CACNA2D1: variants seen among roughly 807,000 people sequenced by gnomAD.
CACNA2D1 encodes calcium voltage-gated channel auxiliary subunit alpha2delta 1, also known as voltage-dependent calcium channel subunit alpha-2/delta-1.
Under a neutral mutation model 171.5 loss-of-function variants are expected in CACNA2D1, and 53 were observed. The observed-to-expected ratio is 0.31, with a 90% CI of 0.25 to 0.39. The LOEUF (loss-of-function observed/expected upper bound fraction) is 0.39. CACNA2D1 is among the 10% of genes least tolerant of loss of function. CACNA2D1 has a pLI of 1.00. For missense variants in CACNA2D1, 903 were observed against 1,299.8 expected, an observed-to-expected ratio of 0.69 and a Z score of 4.69; for synonymous variants, 442 against 443.1, an observed-to-expected ratio of 1.00 and a Z score of 0.03.
chr7:82,289,774 C>T (rs893573632), intron 3 of CACNA2D1, among the ~76,000 whole-genome samples: 2 of 152,210 alleles, frequency 1.3e-5, no homozygotes, highest in Non-Finnish European at 2.9e-5. Flanking sequence ...ACTTGTCTTT[C>T]TAATGTTTAT....
intron 3 of CACNA2D1, among the ~76,000 whole-genome samples, chr7:82,186,223 G>A (rs2129178777): frequency 7.8e-6 from 1 of 128,300 alleles, no homozygotes; most frequent in Non-Finnish European, 1.7e-5. Flanking sequence ...GAGGGAAAGA[G>A]AGAGAGAGAA....
chr7:82,292,918 G>GAGTATATACA (rs1186560763), intron 3 of CACNA2D1, among the ~76,000 whole-genome samples: 1 of 151,528 alleles, frequency 6.6e-6, no homozygotes, highest in Non-Finnish European at 1.5e-5. Flanking sequence ...ATGTATATGT[G>GAGTATATACA]AGTATATACA....
At chr7:82,101,837 TGTTA>T (rs1218011989) in intron 6 of CACNA2D1, among the ~76,000 whole-genome samples, 1 of 152,218 alleles carries the variant, frequency 6.6e-6, no homozygotes, top group African/African-American at 2.4e-5. Flanking sequence ...ATATAGTACA[TGTTA>T]GTTCAATTAT....
intron 22 of CACNA2D1, among the ~76,000 whole-genome samples, chr7:81,983,604 G>GT (rs1796657533): frequency 6.6e-6 from 1 of 152,268 alleles, no homozygotes; most frequent in East Asian, 1.9e-4. Flanking sequence ...TAATGCAGGT[G>GT]TAATACCAAT....
chr7:82,150,602 A>T (rs959350898), intron 4 of CACNA2D1, among the ~76,000 whole-genome samples: 1 of 152,132 alleles, frequency 6.6e-6, no homozygotes, highest in African/African-American at 2.4e-5. Context: ...CAATAGAAAC[A>T]TCCACAAACT....
intron 3 of CACNA2D1, among the ~76,000 whole-genome samples, chr7:82,247,846 T>C (rs1805118159): frequency 2.6e-5 from 4 of 152,332 alleles, no homozygotes; most frequent in African/African-American, 9.6e-5. Context: ...GTGAATTCTA[T>C]GAAATACTGA....
chr7:82,080,125 CTA>C (rs200008970), intron 7 of CACNA2D1, among the ~76,000 whole-genome samples: 11 of 135,752 alleles, frequency 8.1e-5, no homozygotes, highest in South Asian at 2.4e-4. Flanking sequence ...ATATGTACAC[CTA>C]TATATATATA....
At chr7:82,331,720 T>A (rs909772820) in intron 3 of CACNA2D1, among the ~76,000 whole-genome samples, 1 of 152,170 alleles carries the variant, frequency 6.6e-6, no homozygotes, top group East Asian at 1.9e-4. Context: ...AAAGTCTCAA[T>A]AGAATTCTAT....
chr7:82,356,790 T>C (rs186589968), intron 1 of CACNA2D1, among the ~76,000 whole-genome samples: 1 of 152,224 alleles, frequency 6.6e-6, no homozygotes, highest in African/African-American at 2.4e-5. Flanking sequence ...AAGTAGCAGA[T>C]TATCAAAATT....
chr7:82,107,722 T>C (rs1410658800), intron 6 of CACNA2D1, among the ~76,000 whole-genome samples: 2 of 151,834 alleles, frequency 1.3e-5, no homozygotes, highest in East Asian at 1.9e-4. Context: ...TAGCTGGGAT[T>C]ACAAGCACAC....
At chr7:82,236,812 C>T (rs1185009150) in intron 3 of CACNA2D1, among the ~76,000 whole-genome samples, 2 of 151,946 alleles carry the variant, frequency 1.3e-5, no homozygotes, top group East Asian at 3.9e-4. Context: ...TCCTCACTTA[C>T]GGCAGATTTT....
chr7:81,984,486 G>A, intron 22 of CACNA2D1, 149 bp downstream of exon 22: 1 of 667,654 alleles, frequency 1.5e-6, no homozygotes, highest in Non-Finnish European at 2.8e-6. Flanking sequence ...TTGCATGTTT[G>A]GAATGGGTTA....
chr7:82,026,190 C>A (rs1180516310), intron 12 of CACNA2D1, among the ~76,000 whole-genome samples: 1 of 151,400 alleles, frequency 6.6e-6, no homozygotes, highest in South Asian at 2.1e-4. Context: ...CTAAAGTGAA[C>A]TTCTGATAGG....
intron 6 of CACNA2D1, among the ~76,000 whole-genome samples, chr7:82,094,073 A>G (rs1251606111): frequency 2.0e-5 from 3 of 152,186 alleles, no homozygotes; most frequent in Non-Finnish European, 2.9e-5. Context: ...AATGAGGCAC[A>G]CACAGCTTGG....
rs1032565147 is a variant in CACNA2D1, at chr7:82,337,783, A to T, written c.178-2532T>A. ...GTAGCATATAGACAGACTTAAAAAC[A>T]GGATACTTTTCCTCCTGATACACTC... On this transcript the variant is annotated intron_variant, in intron 2 of 38. Transcript: ENST00000356860. Among the ~76,000 whole-genome samples, 6 of 152,314 alleles carry T rather than the reference A, an allele frequency of 3.9e-5. 1 individual carries two copies. Among genetic ancestry groups the T allele is most frequent in the Admixed American group, 3.3e-4 (5 of 15,300 alleles).
chr7:82,002,307 G>A (rs112580920), intron 18 of CACNA2D1, among the ~76,000 whole-genome samples: 257 of 152,244 alleles, frequency 1.7e-3, no homozygotes, highest in African/African-American at 6.1e-3. Context: ...GCTGTCTAGA[G>A]GGAGGCAAGC....
intron 1 of CACNA2D1, among the ~76,000 whole-genome samples, chr7:82,359,819 T>C (rs771792223): frequency 1.3e-5 from 2 of 152,206 alleles, no homozygotes; most frequent in Non-Finnish European, 2.9e-5. Context: ...TGAAACTATC[T>C]AGCACAGTTC....
intron 24 of CACNA2D1, among the ~76,000 whole-genome samples, chr7:81,980,473 G>C (rs1280636868): frequency 6.6e-6 from 1 of 152,120 alleles, no homozygotes; most frequent in Non-Finnish European, 1.5e-5. Flanking sequence ...TTAGAGTGTG[G>C]GGGACCACAC....
intron 4 of CACNA2D1, among the ~76,000 whole-genome samples, chr7:82,139,148 A>G (rs1792059230): frequency 6.6e-6 from 1 of 152,216 alleles, no homozygotes; most frequent in Non-Finnish European, 1.5e-5. Flanking sequence ...TTTTGGTAAA[A>G]TAATGGATAC....
Sources: allele counts gnomAD v4.1 joint callset (sites outside exome capture counted in the v4.1 genomes callset), GRCh38; gene constraint gnomAD v4.1.1; transcripts MANE v1.5; gene names NCBI Gene and HGNC (gene_info 2026-07-23, HGNC 2026-07-21).